GNA11: variants seen among roughly 807,000 people sequenced by gnomAD.
GNA11 encodes the protein G protein subunit alpha 11.
Under a neutral mutation model 38.2 loss-of-function variants are expected in GNA11, and 8 were observed. The observed-to-expected ratio is 0.21, with a 90% CI of 0.12 to 0.38. The LOEUF is 0.38. GNA11 is among the 10% of genes least tolerant of loss of function. GNA11 has a pLI of 1.00. For synonymous variants in GNA11, 211 were observed against 221.4 expected (o/e 0.95, Z 0.42); for missense variants, 268 against 516.3 (o/e 0.52, Z 4.66).
chr19:3,097,133 G>A (rs886394929), intron 1 of GNA11, among the ~76,000 whole-genome samples: 4 of 152,158 alleles, frequency 2.6e-5, no homozygotes, highest in Non-Finnish European at 5.9e-5. Context: ...CCGAGCTTGC[G>A]ATTGCCCCCG....
At chr19:3,117,463 G>A (rs1038860423) in intron 4 of GNA11, 11 of 152,278 alleles carry the variant, frequency 7.2e-5, no homozygotes, top group African/African-American at 2.7e-4. Context: ...CTCACTGCAA[G>A]CTCCGCCTCC....
At chr19:3,118,750 G>A (rs1913987230) in intron 4 of GNA11, 174 bp from the exon 5 acceptor site, 1 of 617,120 alleles carries the variant, frequency 1.6e-6, no homozygotes, top group African/African-American at 1.8e-5. Context: ...ACCCCTGGAG[G>A]CGGTGCGGCC....
intron 1 of GNA11, among the ~76,000 whole-genome samples, chr19:3,099,041 G>C (rs1026645971): frequency 2.8e-4 from 43 of 152,214 alleles, no homozygotes; most frequent in African/African-American, 9.6e-4. Context: ...AGTGAGAGTG[G>C]AGGAAGTGCT....
intron 1 of GNA11, among the ~76,000 whole-genome samples, chr19:3,105,698 C>T (rs1429230509): frequency 6.6e-6 from 1 of 152,174 alleles, no homozygotes; most frequent in Non-Finnish European, 1.5e-5. Context: ...TGGTGCGTTG[C>T]CCTTGGGGTG....
chr19:3,114,571 G>A (rs1444459924), intron 3 of GNA11, among the ~76,000 whole-genome samples: 1 of 152,100 alleles, frequency 6.6e-6, no homozygotes. Context: ...TCATCCCTGG[G>A]GCCAGCCAGG....
chr19:3,107,254 C>T (rs976169537), intron 1 of GNA11, among the ~76,000 whole-genome samples: 2 of 152,122 alleles, frequency 1.3e-5, no homozygotes, highest in Non-Finnish European at 2.9e-5. Flanking sequence ...AAACACAACC[C>T]CAAACAGTAG....
chr19:3,100,154 A>G (rs1180542769), intron 1 of GNA11, among the ~76,000 whole-genome samples: 1 of 151,982 alleles, frequency 6.6e-6, no homozygotes, highest in Admixed American at 6.5e-5. Context: ...GCCCACAGAC[A>G]CCTTGATCAG....
intron 1 of GNA11, among the ~76,000 whole-genome samples, chr19:3,102,702 G>A (rs1568279780): frequency 6.6e-6 from 1 of 152,194 alleles, no homozygotes; most frequent in South Asian, 2.1e-4. Context: ...CTGAAGCGAA[G>A]CAGGCATGAG....
intron 3 of GNA11, among the ~76,000 whole-genome samples, chr19:3,114,225 G>T (rs928796301): frequency 2.6e-5 from 4 of 152,166 alleles, no homozygotes; most frequent in African/African-American, 9.7e-5. Context: ...GCCTCCTCGC[G>T]GTGCCGGAAA....
rs367937642 is a variant in GNA11 at position 3,119,081 on chromosome 19, G to T, written c.735+28G>T. On this transcript the variant is annotated intron_variant, in intron 5 of 6. Transcript: ENST00000078429. The surrounding 1 kb of genome is among the most constrained non-coding windows in gnomAD (Gnocchi z 4.6). ...GGGCCCTGCCCTGAGCAGGGGCAGCGTTGGGGGCCGGGCCTTCCCCACCTG... is the reference window on the plus strand; with the variant it reads ...GGGCCCTGCCCTGAGCAGGGGCAGCTTTGGGGGCCGGGCCTTCCCCACCTG... 8 of 1,610,500 alleles carry T rather than the reference G, an allele frequency of 5.0e-6. No individual in the cohort carries two copies. The South Asian group carries it at 8.8e-5, about 18-fold the overall frequency.
intron 1 of GNA11, among the ~76,000 whole-genome samples, chr19:3,105,415 G>C (rs1413385569): frequency 1.4e-5 from 2 of 145,078 alleles, no homozygotes; most frequent in Non-Finnish European, 3.0e-5. Context: ...GGAAGGGGGG[G>C]TTGTGCTTCC....
In GNA11 at chr19:3,123,311, ACGT is replaced by A; in HGVS notation, c.*2136_*2138del. 4.3e-6 allele frequency: 1 copy of A among 233,196 alleles called. No individual in the cohort carries two copies. The highest frequency in any genetic ancestry group is 8.5e-6 in the Non-Finnish European group (1 of 118,106). The allele number at this position is 233,196 out of a possible 1,614,324, so 14.4% of individuals were successfully genotyped here. Reference sequence around the variant, plus strand: ...CCAGAGCCGGGCTGGGACCGCCAAAACGTCGTGGCCTGGATCCTCTGGGTCTGA... The same window carrying A: ...CCAGAGCCGGGCTGGGACCGCCAAAACGTGGCCTGGATCCTCTGGGTCTGA... On this transcript the variant is annotated 3_prime_UTR_variant, in exon 7 of 7. Transcript: ENST00000078429.
intron 1 of GNA11, among the ~76,000 whole-genome samples, chr19:3,095,266 A>G (rs2145301050): frequency 6.6e-6 from 1 of 152,182 alleles, no homozygotes; most frequent in East Asian, 1.9e-4. Context: ...TCTGCTGTCT[A>G]CATTGGGCCT....
At chr19:3,113,598 G>A in intron 3 of GNA11, 114 bp downstream of exon 3, 2 of 793,428 alleles carry the variant, frequency 2.5e-6, no homozygotes, top group South Asian at 1.9e-5. Context: ...CTCGCCGGGG[G>A]CAGGGATGCG....
chr19:3,099,324 G>GGGAA (rs1396799531), intron 1 of GNA11, among the ~76,000 whole-genome samples: 1 of 152,212 alleles, frequency 6.6e-6, no homozygotes, highest in African/African-American at 2.4e-5. Flanking sequence ...CGTGGAGGAT[G>GGGAA]GGAAGCCTTG....
chr19:3,102,761 G>C (rs940045468), intron 1 of GNA11, among the ~76,000 whole-genome samples: 1 of 152,210 alleles, frequency 6.6e-6, no homozygotes. Flanking sequence ...CTGCAGGAGG[G>C]CTGCCCCTCC....
intron 1 of GNA11, among the ~76,000 whole-genome samples, chr19:3,095,758 G>A (rs904982701): frequency 2.0e-5 from 3 of 151,736 alleles, no homozygotes; most frequent in African/African-American, 7.3e-5. Context: ...AGCCTCCCCC[G>A]CCCCCTTCCT....
chr19:3,104,913 GAT>G (rs1913602294), intron 1 of GNA11, among the ~76,000 whole-genome samples: 1 of 152,176 alleles, frequency 6.6e-6, no homozygotes, highest in South Asian at 2.1e-4. Flanking sequence ...GGAAGGACCT[GAT>G]GGAAGGGGTA....
intron 1 of GNA11, among the ~76,000 whole-genome samples, chr19:3,106,758 G>GTA (rs1555701302): frequency 6.6e-6 from 1 of 152,386 alleles, no homozygotes; most frequent in African/African-American, 2.4e-5. Flanking sequence ...ATACATGTAT[G>GTA]TGTGGGTGTG....
Sources: allele counts gnomAD v4.1 joint callset (sites outside exome capture counted in the v4.1 genomes callset), GRCh38; gene constraint gnomAD v4.1.1; non-coding constraint Gnocchi (gnomAD v3.1); transcripts MANE v1.5; gene names NCBI Gene and HGNC (gene_info 2026-07-23, HGNC 2026-07-21).